The following SEC24B variants were observed in gnomAD, a reference collection of about 807,000 sequenced individuals.
The protein encoded by SEC24B is protein transport protein Sec24B.
A neutral mutation model predicts 142.8 loss-of-function variants in SEC24B; 45 were observed. The observed-to-expected ratio is 0.32, with a 90% CI of 0.25 to 0.40. The LOEUF is 0.40. SEC24B is among the 10% of genes least tolerant of loss of function. The pLI is 1.00. For missense variants in SEC24B, 1,409 were observed against 1,526.8 expected, an observed-to-expected ratio of 0.92 and a Z score of 1.29; for synonymous variants, 574 against 568.2, an observed-to-expected ratio of 1.01 and a Z score of -0.15.
At chr4:109,444,986 C>T (rs954506583) in intron 1 of SEC24B, among the ~76,000 whole-genome samples, 3 of 151,822 alleles carry the variant, frequency 2.0e-5, no homozygotes, top group South Asian at 2.1e-4. Flanking sequence ...CAAGCTGGAG[C>T]GATCACTGCT....
intron 7 of SEC24B, 134 bp downstream of exon 7, chr4:109,506,646 T>C (rs1385815691): frequency 3.2e-6 from 2 of 621,530 alleles, no homozygotes; most frequent in Non-Finnish European, 4.9e-6. Context: ...TTAGTTTGTA[T>C]AGATGTAAAA....
intron 19 of SEC24B, among the ~76,000 whole-genome samples, chr4:109,530,983 C>G (rs1269536911): frequency 3.3e-5 from 5 of 151,108 alleles, no homozygotes; most frequent in Admixed American, 2.0e-4. Flanking sequence ...ACCATATTCT[C>G]TCTTCTTTAA....
chr4:109,482,979 T>TACACACACACACACACACACACAC (rs1554001099), intron 4 of SEC24B, among the ~76,000 whole-genome samples: 2 of 26,418 alleles, frequency 7.6e-5, no homozygotes, highest in African/African-American at 2.4e-4. Flanking sequence ...TATATATATA[T>TACACACACACACACACACACACAC]ACACACACAC....
At chr4:109,530,558 T>A in intron 19 of SEC24B, 94 bp downstream of exon 19, 2 of 982,478 alleles carry the variant, frequency 2.0e-6, no homozygotes, top group Non-Finnish European at 3.0e-6. Context: ...TTCTAATACT[T>A]AACTAGAGGA....
intron 23 of SEC24B, 58 bp downstream of exon 23, chr4:109,538,654 G>T: frequency 9.4e-7 from 1 of 1,066,004 alleles, no homozygotes; most frequent in Non-Finnish European, 1.4e-6. Context: ...CTGTGGAATT[G>T]CTTGTCTTCA....
chr4:109,505,956 G>A (rs1345745867), intron 6 of SEC24B, among the ~76,000 whole-genome samples: 1 of 152,136 alleles, frequency 6.6e-6, no homozygotes, highest in Non-Finnish European at 1.5e-5. Flanking sequence ...TATTGAACAC[G>A]ATTGTACATT....
intron 4 of SEC24B, among the ~76,000 whole-genome samples, chr4:109,485,428 G>A (rs1303878546): frequency 6.6e-6 from 1 of 152,188 alleles, no homozygotes; most frequent in Non-Finnish European, 1.5e-5. Context: ...TCTAGTGAGA[G>A]AACATAAACG....
chr4:109,534,676 A>G (rs1485458547), intron 22 of SEC24B, among the ~76,000 whole-genome samples: 1 of 152,198 alleles, frequency 6.6e-6, no homozygotes, highest in African/African-American at 2.4e-5. Context: ...AATATAAAAC[A>G]TTTCTATTTG....
chr4:109,472,379 C>T (rs1431309375), intron 2 of SEC24B, among the ~76,000 whole-genome samples: 5 of 152,168 alleles, frequency 3.3e-5, no homozygotes, highest in African/African-American at 1.2e-4. Flanking sequence ...GTATTTTGAG[C>T]TATCACAAAG....
At chr4:109,441,858 G>A (rs563476944) in intron 1 of SEC24B, among the ~76,000 whole-genome samples, 144 of 152,298 alleles carry the variant, frequency 9.5e-4, no homozygotes, top group Non-Finnish European at 1.5e-3. Flanking sequence ...GGCTCTGTCC[G>A]CCAGCGGTGA....
chr4:109,484,465 T>C (rs1481595102), intron 4 of SEC24B, among the ~76,000 whole-genome samples: 1 of 152,200 alleles, frequency 6.6e-6, no homozygotes, highest in Admixed American at 6.5e-5. Flanking sequence ...TGTTTTTCCC[T>C]GTTAAAATTA....
chr4:109,535,550 C>T (rs1053343193), intron 22 of SEC24B, among the ~76,000 whole-genome samples: 34 of 146,824 alleles, frequency 2.3e-4, no homozygotes, highest in Admixed American at 1.1e-3. Flanking sequence ...AGCAAGACTC[C>T]GTCTAAAAAA....
intron 1 of SEC24B, among the ~76,000 whole-genome samples, chr4:109,445,375 C>G (rs188444128): frequency 0.011 from 1,614 of 149,004 alleles, 26 homozygotes; most frequent in African/African-American, 0.038. Flanking sequence ...TCCCAAGCAG[C>G]TGGGACAACA....
At chr4:109,485,244 TCTC>T (rs1734232072) in intron 4 of SEC24B, among the ~76,000 whole-genome samples, 1 of 152,230 alleles carries the variant, frequency 6.6e-6, no homozygotes, top group Non-Finnish European at 1.5e-5. Context: ...TGTCTGTTCT[TCTC>T]AACAATTCTG....
intron 1 of SEC24B, among the ~76,000 whole-genome samples, chr4:109,438,662 G>A (rs984772535): frequency 6.6e-6 from 1 of 152,154 alleles, no homozygotes; most frequent in Admixed American, 6.5e-5. Flanking sequence ...GAGAAGAAAG[G>A]AATAGAGAGG....
In SEC24B at chr4:109,511,962, A is replaced by G. The variant is rs763928059; in HGVS notation, c.1782A>G (p.Leu594=). The G allele has an allele frequency of 1.9e-6, 3 of 1,611,072 alleles. No individual in the cohort carries two copies. The South Asian group carries it at 3.3e-5, about 18-fold the overall frequency. The change falls in exon 9 of 24, where the codon TTA becomes TTG. Residue 594 remains leucine (L), a synonymous_variant. Transcript: ENST00000265175. ...TTCTTTATTTTATTTCCTAGCAATTACCAGTGATAACATCAAATACCATTG... is the reference window on the plus strand; with the variant it reads ...TTCTTTATTTTATTTCCTAGCAATTGCCAGTGATAACATCAAATACCATTG... ...LLHPFRDLTQ[L]PVITSNTIVR...
intron 1 of SEC24B, 83 bp downstream of exon 1, chr4:109,434,085 G>T (rs1728134242): frequency 4.4e-6 from 4 of 908,992 alleles, no homozygotes; most frequent in Non-Finnish European, 5.3e-6. Flanking sequence ...GGGCGGGCCG[G>T]GCCGGGAAGG....
chr4:109,485,193 A>G (rs1734224488), intron 4 of SEC24B, among the ~76,000 whole-genome samples: 1 of 152,248 alleles, frequency 6.6e-6, no homozygotes, highest in Non-Finnish European at 1.5e-5. Context: ...GTAAACACTC[A>G]GAAAGATTAG....
In SEC24B at chr4:109,524,804, A is replaced by T. The variant is rs148043447; in HGVS notation, c.2509-14A>T. On this transcript the variant is annotated splice_polypyrimidine_tract_variant and intron_variant, in intron 14 of 23. Transcript: ENST00000265175. ...AAAGATTGCTAGCTCTTACTATATG[A>T]TCTGTTGACTTAGGTGGTACAACAT... is the stretch of plus-strand genomic sequence containing the variant. The T allele has an allele frequency of 8.7e-4, 1,400 of 1,603,930 alleles. 19 individuals are homozygous for T. The East Asian group carries it at 0.028, about 32-fold the overall frequency.
Sources: gnomAD v4.1 joint callset for allele counts (sites outside exome capture counted in the v4.1 genomes callset) on GRCh38, gnomAD v4.1.1 for gene constraint, MANE v1.5 for transcripts, NCBI Gene and HGNC (gene_info 2026-07-23, HGNC 2026-07-21) for gene names.